Variants in RBFOX1 observed in about 807,000 individuals in gnomAD.
RBFOX1 encodes RNA binding fox-1 homolog 1.
In RBFOX1, 8 loss-of-function variants were observed where a neutral mutation model predicts 57.7. The observed-to-expected ratio is 0.14, with a 90% CI of 0.08 to 0.25. RBFOX1 has a LOEUF of 0.25. RBFOX1 is among the 10% of genes least tolerant of loss of function. RBFOX1 has a pLI of 1.00. For synonymous variants in RBFOX1, 326 were observed against 222.4 expected, an observed-to-expected ratio of 1.47 and a Z score of -4.15; for missense variants, 611 against 548.5, an observed-to-expected ratio of 1.11 and a Z score of -1.14.
chr16:5,611,692 C>CCCCACCCACTCT (rs1483500430), intron 3 of RBFOX1, among the ~76,000 whole-genome samples: 1 of 65,724 alleles, frequency 1.5e-5, no homozygotes, highest in African/African-American at 4.7e-5. Flanking sequence ...CCACCCACTC[C>CCCCACCCACTCT]CCCACCCACT....
intron 4 of RBFOX1, among the ~76,000 whole-genome samples, chr16:7,276,438 G>A (rs556777732): frequency 6.6e-6 from 1 of 152,240 alleles, no homozygotes; most frequent in Admixed American, 6.5e-5. Flanking sequence ...AAGACTCTGT[G>A]GATACAAAAT....
At chr16:6,633,942 G>T (rs1402461668) in intron 2 of RBFOX1, among the ~76,000 whole-genome samples, 1 of 152,090 alleles carries the variant, frequency 6.6e-6, no homozygotes, top group Admixed American at 6.6e-5. Context: ...TTGAGGCCAG[G>T]GGGTGGAGGC....
intron 2 of RBFOX1, among the ~76,000 whole-genome samples, chr16:5,503,820 C>G (rs1238914035): frequency 6.6e-6 from 1 of 152,216 alleles, no homozygotes; most frequent in Non-Finnish European, 1.5e-5. Context: ...CATCCCCTCC[C>G]CAAAGAAACT....
chr16:6,691,728 C>G (rs1338691511), intron 3 of RBFOX1, among the ~76,000 whole-genome samples: 1 of 152,170 alleles, frequency 6.6e-6, no homozygotes, highest in African/African-American at 2.4e-5. Context: ...TATGTCACCG[C>G]ACATGGCCAA....
intron 4 of RBFOX1, among the ~76,000 whole-genome samples, chr16:7,117,198 G>A (rs2066101502): frequency 6.6e-6 from 1 of 152,150 alleles, no homozygotes; most frequent in Admixed American, 6.6e-5. Flanking sequence ...GACTAGCTAA[G>A]CATTTTGGGC....
intron 3 of RBFOX1, among the ~76,000 whole-genome samples, chr16:7,021,494 TA>T (rs2039054853): frequency 6.9e-6 from 1 of 145,940 alleles, no homozygotes; most frequent in Non-Finnish European, 1.5e-5. Flanking sequence ...TTTATATTAA[TA>T]TTTTATATAA....
intron 2 of RBFOX1, among the ~76,000 whole-genome samples, chr16:5,566,620 G>A (rs183016202): frequency 1.3e-5 from 2 of 150,288 alleles, no homozygotes; most frequent in African/African-American, 2.5e-5. Context: ...ATATGTATAT[G>A]TATGTATATA....
At chr16:7,567,745 A>ATG (rs2152742722) in intron 5 of RBFOX1, among the ~76,000 whole-genome samples, 1 of 147,220 alleles carries the variant, frequency 6.8e-6, no homozygotes, top group East Asian at 2.0e-4. Context: ...ATCCCTATAT[A>ATG]TATCCATATA....
At chr16:5,395,418 A>G (rs2066522751) in intron 1 of RBFOX1, among the ~76,000 whole-genome samples, 1 of 151,572 alleles carries the variant, frequency 6.6e-6, no homozygotes, top group Non-Finnish European at 1.5e-5. Flanking sequence ...TCTGTGAATA[A>G]CGCAGTTGCG....
chr16:6,634,536 TA>T (rs2098415602), intron 2 of RBFOX1, among the ~76,000 whole-genome samples: 1 of 148,068 alleles, frequency 6.8e-6, no homozygotes, highest in Admixed American at 6.8e-5. Flanking sequence ...TATACTTTTA[TA>T]TTTTTTAATT....
At chr16:5,684,647 G>A (rs567787245) in intron 3 of RBFOX1, among the ~76,000 whole-genome samples, 3 of 152,188 alleles carry the variant, frequency 2.0e-5, no homozygotes, top group African/African-American at 4.8e-5. Flanking sequence ...GGGACCCAAA[G>A]TTTGGAATGA....
At chr16:5,724,440 G>T (rs1438908868) in intron 3 of RBFOX1, among the ~76,000 whole-genome samples, 1 of 152,090 alleles carries the variant, frequency 6.6e-6, no homozygotes, top group East Asian at 1.9e-4. Context: ...CTATGTCTAT[G>T]TCTTCGTGAA....
intron 1 of RBFOX1, among the ~76,000 whole-genome samples, chr16:6,300,856 C>G (rs1191926498): frequency 6.6e-6 from 1 of 152,096 alleles, no homozygotes; most frequent in East Asian, 1.9e-4. Context: ...TTTTGCTGTG[C>G]CTTCTATTAG....
At chr16:7,040,363 A>G (rs925856977) in intron 3 of RBFOX1, among the ~76,000 whole-genome samples, 8 of 152,282 alleles carry the variant, frequency 5.3e-5, no homozygotes, top group African/African-American at 1.7e-4. Flanking sequence ...ACTATGTGCC[A>G]GGCCAGATTT....
intron 4 of RBFOX1, among the ~76,000 whole-genome samples, chr16:5,902,703 A>C (rs900340491): frequency 1.3e-5 from 2 of 152,168 alleles, no homozygotes; most frequent in Non-Finnish European, 2.9e-5. Context: ...AGCATGAGCC[A>C]CCGTGCCCGG....
chr16:7,304,616 G>A, intron 4 of RBFOX1: 1 of 980,652 alleles, frequency 1.0e-6, no homozygotes, highest in Non-Finnish European at 1.2e-6. Flanking sequence ...CGATGGAAAG[G>A]GTGGATGGAA....
intron 3 of RBFOX1, among the ~76,000 whole-genome samples, chr16:5,724,087 C>G (rs534247266): frequency 6.6e-6 from 1 of 152,300 alleles, no homozygotes; most frequent in South Asian, 2.1e-4. Flanking sequence ...TTGAATGCTT[C>G]TCACCAATTT....
chr16:6,572,732 A>C (rs934642629), intron 2 of RBFOX1, among the ~76,000 whole-genome samples: 6 of 152,086 alleles, frequency 3.9e-5, no homozygotes, highest in African/African-American at 1.4e-4. Flanking sequence ...AGCTAGAATT[A>C]CAGGTGTGAG....
intron 1 of RBFOX1, among the ~76,000 whole-genome samples, chr16:5,449,261 TCC>T (rs2068348026): frequency 6.6e-6 from 1 of 152,118 alleles, no homozygotes; most frequent in South Asian, 2.1e-4. Flanking sequence ...CTGAAATGCT[TCC>T]CCTGCCCTGC....
Sources: allele counts gnomAD v4.1 joint callset (sites outside exome capture counted in the v4.1 genomes callset), GRCh38; gene constraint gnomAD v4.1.1; transcripts MANE v1.5; gene names NCBI Gene and HGNC (gene_info 2026-07-23, HGNC 2026-07-21).